The following APOOL variants were observed in gnomAD, a reference collection of about 807,000 sequenced individuals.
The protein encoded by APOOL is MICOS complex subunit MIC27.
Under a neutral mutation model 23.1 loss-of-function variants are expected in APOOL, and 12 were observed. The ratio of observed to expected loss-of-function variants is 0.52; its 90% CI spans 0.33 to 0.84. The LOEUF is 0.84. Ranked by LOEUF, APOOL falls within the 40% of genes least tolerant of loss-of-function variation. The pLI is 0.02. For missense variants in APOOL, 212 were observed against 199.6 expected (o/e 1.06, Z -0.37); for synonymous variants, 77 against 69.9 (o/e 1.10, Z -0.51).
In APOOL at chrX:85,067,213, G is replaced by A. The variant is rs1923488951; in HGVS notation, c.481G>A (p.Ala161Thr). Residue 161 changes from alanine to threonine, a missense_variant, in exon 6 of 9, where the codon GCT becomes ACT. By Grantham distance (58) the Ala-to-Thr change is moderately conservative. Coordinates refer to ENST00000373173, the MANE Select transcript of APOOL (RefSeq NM_198450.6). Reference sequence around the variant, plus strand: ...CTACCCAGTTCAGTCCGTAATAATTGCTAAGGTAAGTTCTTTTTAAATAAT... The same window carrying A: ...CTACCCAGTTCAGTCCGTAATAATTACTAAGGTAAGTTCTTTTTAAATAAT... ...VCYPVQSVII[A>T]KVTAKKVYAT... is the part of the protein sequence containing the mutation. The A allele has an allele frequency of 3.6e-6, 4 of 1,123,979 alleles. No individual in the cohort carries two copies. The highest frequency in any genetic ancestry group is 4.8e-6 in the Non-Finnish European group (4 of 840,540). The allele number at this position is 1,123,979 out of a possible 1,213,427, so 92.6% of individuals were successfully genotyped here.
chrX:85,031,736 C>T (rs1922043876), intron 1 of APOOL, among the ~76,000 whole-genome samples: 1 of 111,432 alleles, frequency 9.0e-6, no homozygotes, highest in Non-Finnish European at 1.9e-5. Context: ...ATGTTTGGGG[C>T]CTAGGAAGAT....
At chrX:85,067,252 T>C in intron 6 of APOOL, 34 bp downstream of exon 6, 1 of 947,223 alleles carries the variant, frequency 1.1e-6, no homozygotes, top group Non-Finnish European at 1.5e-6. Flanking sequence ...AACATTTCAG[T>C]ATTTGTTTAA....
intron 1 of APOOL, among the ~76,000 whole-genome samples, chrX:85,025,893 G>A (rs1467150530): frequency 8.9e-6 from 1 of 112,545 alleles, no homozygotes; most frequent in Non-Finnish European, 1.9e-5. Flanking sequence ...GGGTCTGGAG[G>A]TTGGTATCCC....
intron 5 of APOOL, among the ~76,000 whole-genome samples, chrX:85,064,541 G>A (rs554573227): frequency 2.7e-5 from 3 of 109,848 alleles, no homozygotes; most frequent in African/African-American, 6.6e-5. Flanking sequence ...CCCTCTTAAC[G>A]CCACTTTAGC....
intron 1 of APOOL, among the ~76,000 whole-genome samples, chrX:85,028,968 G>A (rs1294176908): frequency 1.8e-5 from 2 of 111,286 alleles, no homozygotes; most frequent in African/African-American, 6.5e-5. Flanking sequence ...CCAAATCTTA[G>A]CTATTGTGAA....
Position 85,091,241 on chromosome X carries a change from C to T in APOOL, c.*3563C>T, listed in dbSNP as rs1174912341. 1 of 112,313 alleles carries T rather than the reference C, an allele frequency of 8.9e-6. No homozygotes were observed. Among genetic ancestry groups the T allele is most frequent in the Non-Finnish European group, 1.9e-5 (1 of 53,274 alleles). 9.3% of individuals were successfully genotyped at this position (112,313 alleles called of 1,213,427 possible). ...CTTCAGCCTGGGCACAAGAACAAAA[C>T]TCAGTCTCAAAAAATAAATAATAAA... On this transcript the variant is annotated 3_prime_UTR_variant, in exon 9 of 9. Coordinates refer to ENST00000373173, the MANE Select transcript of APOOL (RefSeq NM_198450.6).
chrX:85,068,686 G>A (rs1227259147), intron 6 of APOOL, among the ~76,000 whole-genome samples: 2 of 111,270 alleles, frequency 1.8e-5, no homozygotes, highest in Non-Finnish European at 1.9e-5. Context: ...GATTACAGGC[G>A]TGAGCCACCG....
At chrX:85,073,355 A>G (rs1286199454) in intron 6 of APOOL, among the ~76,000 whole-genome samples, 1 of 111,720 alleles carries the variant, frequency 9.0e-6, no homozygotes, top group Non-Finnish European at 1.9e-5. Flanking sequence ...AATCAGAAGT[A>G]GATTTTCAAA....
Position 85,074,075 on chromosome X carries a change from A to G in APOOL, c.564A>G (p.Lys188=). 8.5e-7 allele frequency: 1 copy of G among 1,169,680 alleles called. No homozygotes were observed. The highest frequency in any genetic ancestry group is 1.1e-6 in the Non-Finnish European group (1 of 873,987). The stretch of plus-strand genomic sequence containing the variant: ...AATCATTGTGGACAAAAAGCAGCAA[A>G]GAAGAGTCACTCCCTAAACCTAAAG... ...AVKSLWTKSS[K]EESLPKPKEK... The change falls in exon 7 of 9, where the codon AAA becomes AAG. Residue 188 remains lysine, a synonymous_variant. Coordinates refer to ENST00000373173, the MANE Select transcript of APOOL (RefSeq NM_198450.6).
intron 1 of APOOL, among the ~76,000 whole-genome samples, chrX:85,031,947 G>A (rs1396188469): frequency 9.0e-6 from 1 of 111,413 alleles, no homozygotes; most frequent in African/African-American, 3.3e-5. Flanking sequence ...CAAGTAAATA[G>A]AATGCTCTCA....
chrX:85,039,550 G>A (rs1922339309), intron 1 of APOOL, among the ~76,000 whole-genome samples: 1 of 111,403 alleles, frequency 9.0e-6, no homozygotes, highest in Non-Finnish European at 1.9e-5. Context: ...AAATCTCCTT[G>A]TAGGTATCTA....
At position 85,061,435 on chromosome X, in the gene APOOL, G is replaced by A. The variant is rs370561715; in HGVS notation, c.394+5510G>A. Among the ~76,000 whole-genome samples the A allele has an allele frequency of 1.7e-3, 195 of 111,766 alleles. 2 individuals carry two copies. In the South Asian group the frequency reaches 0.04, roughly 23 times the overall value. ...AGGACTCCCTCTTTTTCTATTGATC[G>A]GAATAGTTTCAGAAGGAATGGTACC... On this transcript the variant is annotated intron_variant, in intron 5 of 8. Coordinates refer to ENST00000373173, the MANE Select transcript of APOOL (RefSeq NM_198450.6).
intron 5 of APOOL, 38 bp from the exon 6 acceptor site, chrX:85,067,089 A>G (rs1245058699): frequency 2.3e-6 from 2 of 878,718 alleles, no homozygotes; most frequent in South Asian, 2.3e-5. Context: ...CTCTGGTGGT[A>G]TATATTTGGA....
chrX:85,018,470 G>C (rs1921552872), intron 1 of APOOL, among the ~76,000 whole-genome samples: 1 of 111,737 alleles, frequency 8.9e-6, no homozygotes, highest in Non-Finnish European at 1.9e-5. Context: ...CTCCCACCGG[G>C]CCCCACCTTC....
At chrX:85,087,087 A>G (rs1924333340) in intron 8 of APOOL, among the ~76,000 whole-genome samples, 1 of 111,436 alleles carries the variant, frequency 9.0e-6, no homozygotes, top group Non-Finnish European at 1.9e-5. Context: ...CAAAATCTTT[A>G]CCATGGCCCT....
At position 85,074,109 on chromosome X, in the gene APOOL, A is replaced by G; in HGVS notation, c.598A>G (p.Lys200Glu). 1.7e-6 allele frequency: 2 copies of G among 1,160,592 alleles called. No individual in the cohort carries two copies. Among genetic ancestry groups the G allele is most frequent in the Middle Eastern group, 4.7e-4 (2 of 4,275 alleles). ...ACTCCCTAAACCTAAAGAAAAAACT[A>G]AGGTAGAGTTTACATGGAGCAAGAC... ...ESLPKPKEKTKLGSSSEIEVP... is the reference protein window; with the variant it reads ...ESLPKPKEKTELGSSSEIEVP... The change falls in exon 7 of 9, where the codon AAG becomes GAG. Residue 200 changes from lysine to glutamate, a missense_variant and splice_region_variant. Physicochemically the swap from Lys to Glu is moderately conservative, Grantham distance 56. Coordinates refer to ENST00000373173, the MANE Select transcript of APOOL (RefSeq NM_198450.6).
chrX:85,070,516 A>G (rs878949699), intron 6 of APOOL, among the ~76,000 whole-genome samples: 1 of 112,118 alleles, frequency 8.9e-6, no homozygotes, highest in African/African-American at 3.2e-5. Context: ...CCTGTTTAAA[A>G]GAAAAATAAA....
chrX:85,076,729 G>C (rs1469718885), intron 8 of APOOL, among the ~76,000 whole-genome samples: 1 of 109,881 alleles, frequency 9.1e-6, no homozygotes, highest in African/African-American at 3.3e-5. Context: ...AACAGGTAGG[G>C]TGTACTGTCC....
intron 1 of APOOL, among the ~76,000 whole-genome samples, chrX:85,018,017 T>C (rs1444925755): frequency 2.7e-5 from 3 of 112,133 alleles, no homozygotes; most frequent in African/African-American, 9.7e-5. Flanking sequence ...TCTGTCCAAG[T>C]GGGAGATGCT....
Sources: allele counts gnomAD v4.1 joint callset (sites outside exome capture counted in the v4.1 genomes callset), GRCh38; gene constraint gnomAD v4.1.1; transcripts MANE v1.5; gene names NCBI Gene and HGNC (gene_info 2026-07-23, HGNC 2026-07-21).